Variants in PDE7B observed in about 807,000 individuals in gnomAD.
PDE7B encodes phosphodiesterase 7B, also known as 3',5'-cyclic-AMP phosphodiesterase 7B.
Under a neutral mutation model 56.2 loss-of-function variants are expected in PDE7B, and 29 were observed. The observed-to-expected ratio is 0.52, with a 90% CI of 0.38 to 0.70. PDE7B has a LOEUF of 0.70. Among genes scored for constraint, PDE7B ranks in the 30% least tolerant of loss-of-function variants. The pLI is 0.00. For synonymous variants in PDE7B, 197 were observed against 196.9 expected (o/e 1.00, Z 0.00); for missense variants, 490 against 565.0 (o/e 0.87, Z 1.35).
At chr6:135,954,106 T>C (rs1398732965) in intron 2 of PDE7B, among the ~76,000 whole-genome samples, 3 of 152,194 alleles carry the variant, frequency 2.0e-5, no homozygotes, top group East Asian at 3.8e-4. Flanking sequence ...CCTGTCTTGT[T>C]TCACTTTTCA....
Position 136,108,631 on chromosome 6 carries a change from C to T in PDE7B, c.83-100C>T, listed in dbSNP as rs1177985588. On this transcript the variant is annotated intron_variant, in intron 2 of 12. Transcript: ENST00000308191. ...AGTATGGTGAATGGGAACCATTTTT[C>T]TCCTGACATCTGGGGTTGGTTTCAT... 6.6e-5 allele frequency: 52 copies of T among 788,646 alleles called. 1 individual carries two copies. The East Asian group carries it at 9.9e-4, about 15-fold the overall frequency. The allele number at this position is 788,646 out of a possible 1,614,324, so 48.9% of individuals were successfully genotyped here.
chr6:135,873,815 T>G (rs1006489649), intron 1 of PDE7B, among the ~76,000 whole-genome samples: 1 of 152,134 alleles, frequency 6.6e-6, no homozygotes, highest in African/African-American at 2.4e-5. Flanking sequence ...ATAAGAAAAC[T>G]ATCAGAAATA....
chr6:136,058,824 A>G (rs1021198722), intron 2 of PDE7B, among the ~76,000 whole-genome samples: 5 of 152,190 alleles, frequency 3.3e-5, no homozygotes, highest in Admixed American at 6.5e-5. Flanking sequence ...TGACTACTAG[A>G]ACCAAAGTCA....
intron 2 of PDE7B, among the ~76,000 whole-genome samples, chr6:136,010,961 C>T (rs141635380): frequency 2.0e-5 from 3 of 152,214 alleles, no homozygotes; most frequent in Admixed American, 1.3e-4. Flanking sequence ...TACTTCATGC[C>T]GTGTGGGAAA....
chr6:136,091,612 C>T (rs1187329031), intron 2 of PDE7B, among the ~76,000 whole-genome samples: 1 of 152,102 alleles, frequency 6.6e-6, no homozygotes, highest in Non-Finnish European at 1.5e-5. Flanking sequence ...GTGTGTTAAC[C>T]TCAAGAAGTA....
At chr6:136,016,217 C>G (rs891310023) in intron 2 of PDE7B, among the ~76,000 whole-genome samples, 4 of 152,178 alleles carry the variant, frequency 2.6e-5, no homozygotes, top group Admixed American at 2.0e-4. Context: ...ATAATAGGTC[C>G]TATTTCGAAG....
chr6:135,909,262 G>A (rs976145767), intron 1 of PDE7B, among the ~76,000 whole-genome samples: 1 of 152,150 alleles, frequency 6.6e-6, no homozygotes, highest in Non-Finnish European at 1.5e-5. Flanking sequence ...CAGAGGTGTG[G>A]TGCTGTCATA....
chr6:135,862,360 G>A (rs924907920), intron 1 of PDE7B, among the ~76,000 whole-genome samples: 3 of 151,666 alleles, frequency 2.0e-5, no homozygotes, highest in African/African-American at 7.3e-5. Context: ...TGAAATCCTA[G>A]GATAAATGTA....
intron 12 of PDE7B, among the ~76,000 whole-genome samples, chr6:136,191,037 T>TTTTTTTTTTAA (rs1471563191): frequency 7.0e-6 from 1 of 143,168 alleles, no homozygotes; most frequent in African/African-American, 2.9e-5. Context: ...TTTTTTTTTT[T>TTTTTTTTTTAA]ACTTATATGT....
chr6:135,881,098 C>A (rs1298927527), intron 1 of PDE7B, among the ~76,000 whole-genome samples: 1 of 152,022 alleles, frequency 6.6e-6, no homozygotes, highest in Non-Finnish European at 1.5e-5. Flanking sequence ...GCTTTTATTG[C>A]ATTTAAGTTT....
chr6:135,922,347 C>T lies in PDE7B; in HGVS notation c.22-25117C>T, dbSNP rs909153826. 2.6e-5 allele frequency among the ~76,000 whole-genome samples: 4 copies of T among 152,154 alleles called. No homozygotes were observed. In the South Asian group the frequency reaches 6.2e-4, roughly 24 times the overall value. On this transcript the variant is annotated intron_variant, in intron 1 of 12. Transcript: ENST00000308191. ...GTGAAACTCTGTAGTTTTCTTGGCC[C>T]TTACAAAACCAGGTCACAGCTGCCT...
At chr6:136,095,578 T>TA (rs1239672040) in intron 2 of PDE7B, 2 of 152,164 alleles carry the variant, frequency 1.3e-5, no homozygotes, top group Non-Finnish European at 2.9e-5. Flanking sequence ...ATTGACTTCT[T>TA]TGTGATACGA....
In PDE7B at chr6:136,181,215, G is replaced by A. The variant is rs763622480; in HGVS notation, c.949-12G>A. 1 of 1,602,100 alleles carries A rather than the reference G, an allele frequency of 6.2e-7. No individual in the cohort carries two copies. Among genetic ancestry groups the A allele is most frequent in the Admixed American group, 1.7e-5 (1 of 59,950 alleles). On this transcript the variant is annotated splice_polypyrimidine_tract_variant and intron_variant, in intron 10 of 12. Transcript: ENST00000308191. Reference sequence around the variant, plus strand: ...TCCTCTCACAATTTCTCCCCGCCCTGTCATTTCTCAGATCGCCTTGAAGTG... The same window carrying A: ...TCCTCTCACAATTTCTCCCCGCCCTATCATTTCTCAGATCGCCTTGAAGTG...
Position 135,947,464 on chromosome 6 carries a change from A to G in PDE7B, c.22A>G (p.Arg8Gly). 6.2e-7 allele frequency: 1 copy of G among 1,609,250 alleles called. No individual in the cohort carries two copies. The highest frequency in any genetic ancestry group is 1.1e-5 in the South Asian group (1 of 90,928). MSCLMVERCGEILFENPD... is the reference protein window; with the variant it reads MSCLMVEGCGEILFENPD... ...AACCTTGGCTATCTTTCTATTTCAG[A>G]GGTGTGGCGAAATCTTGTTTGAGAA... Residue 8 changes from arginine (R) to glycine (G), a missense_variant and splice_region_variant, in exon 2 of 13, where the codon AGG becomes GGG. Arg to Gly is a moderately radical substitution (Grantham distance 125, BLOSUM62 -2). Transcript: ENST00000308191.
chr6:136,101,206 G>A (rs922686817), intron 2 of PDE7B, among the ~76,000 whole-genome samples: 1 of 152,156 alleles, frequency 6.6e-6, no homozygotes, highest in African/African-American at 2.4e-5. Flanking sequence ...GTTCATCAGG[G>A]ATATTGGTCC....
chr6:136,000,365 T>C (rs1775643143), intron 2 of PDE7B, among the ~76,000 whole-genome samples: 1 of 152,146 alleles, frequency 6.6e-6, no homozygotes, highest in Non-Finnish European at 1.5e-5. Context: ...TTGTCTTCCA[T>C]GGTTTTTATA....
In PDE7B at chr6:135,974,322, G is replaced by T. The variant is rs908242564; in HGVS notation, c.82+26798G>T. ...ATATATATCTTATAAATGTGTGTAT[G>T]TGTGTGTGTATATATATATATGTAC... On this transcript the variant is annotated intron_variant, in intron 2 of 12. Transcript: ENST00000308191. Among the ~76,000 whole-genome samples the T allele has an allele frequency of 5.9e-5, 8 of 136,612 alleles. No individual in the cohort carries two copies. In the East Asian group the frequency reaches 2.0e-3, roughly 34 times the overall value. 89.6% of individuals were successfully genotyped at this position (136,612 alleles called of 152,430 possible).
chr6:136,147,231 T>G (rs1350115699), intron 3 of PDE7B, 120 bp from the exon 4 acceptor site: 4 of 613,818 alleles, frequency 6.5e-6, no homozygotes, highest in Admixed American at 2.9e-5. Context: ...GACCATATTT[T>G]TAAAAGTATA....
At chr6:136,057,110 C>T (rs1333033708) in intron 2 of PDE7B, among the ~76,000 whole-genome samples, 1 of 152,140 alleles carries the variant, frequency 6.6e-6, no homozygotes, top group African/African-American at 2.4e-5. Flanking sequence ...TCAGTTAATC[C>T]ACACAAAGAA....
Sources: gnomAD v4.1 joint callset for allele counts (sites outside exome capture counted in the v4.1 genomes callset) on GRCh38, gnomAD v4.1.1 for gene constraint, MANE v1.5 for transcripts, NCBI Gene and HGNC (gene_info 2026-07-23, HGNC 2026-07-21) for gene names.